Variants in EFR3A observed in about 807,000 individuals in gnomAD.
EFR3A encodes the protein EFR3 homolog A, also known as protein EFR3 homolog A.
EFR3A carries 76 observed loss-of-function variants against 104.4 expected under a neutral mutation model. The observed-to-expected ratio is 0.73, with a 90% CI of 0.60 to 0.88. The LOEUF (loss-of-function observed/expected upper bound fraction) is 0.88, where lower values mean the gene tolerates loss of function less well. Among genes scored for constraint, EFR3A ranks in the 40% least tolerant of loss-of-function variants. The pLI is 0.00. For synonymous variants in EFR3A, 330 were observed against 330.0 expected, an observed-to-expected ratio of 1.00 and a Z score of 0.00; for missense variants, 985 against 1,012.5, an observed-to-expected ratio of 0.97 and a Z score of 0.37.
Position 131,984,727 on chromosome 8 carries a change from G to T in EFR3A, c.1738-202G>T, listed in dbSNP as rs965120666. 5.3e-5 allele frequency among the ~76,000 whole-genome samples: 8 copies of T among 152,114 alleles called. 1 individual carries two copies. On this transcript the variant is annotated intron_variant, in intron 15 of 22. Coordinates refer to ENST00000254624, the MANE Select transcript of EFR3A (RefSeq NM_015137.6). The stretch of plus-strand genomic sequence containing the variant: ...TGAGAACAGGAAAGGCTTTCCTAGG[G>T]AAGAGAGTTTAAGTTGGAAAAATTA...
At chr8:131,996,783 GA>G (rs1298627314) in intron 19 of EFR3A, among the ~76,000 whole-genome samples, 3 of 152,022 alleles carry the variant, frequency 2.0e-5, no homozygotes, top group African/African-American at 7.2e-5. Flanking sequence ...TAAAGTATAA[GA>G]TTTTTTTGCT....
intron 8 of EFR3A, among the ~76,000 whole-genome samples, chr8:131,966,522 A>T (rs1420963154): frequency 2.0e-5 from 3 of 152,198 alleles, no homozygotes; most frequent in Non-Finnish European, 4.4e-5. Context: ...TTTTTCATAC[A>T]ATAGACACAA....
At chr8:131,914,870 T>G (rs1307120046) in intron 1 of EFR3A, among the ~76,000 whole-genome samples, 1 of 152,196 alleles carries the variant, frequency 6.6e-6, no homozygotes, top group Non-Finnish European at 1.5e-5. Flanking sequence ...CCATGAGTTC[T>G]CATCATTTGG....
At chr8:131,978,814 CA>C in intron 12 of EFR3A, 32 bp from the exon 13 acceptor site, 1 of 1,445,678 alleles carries the variant, frequency 6.9e-7, no homozygotes, top group Non-Finnish European at 9.1e-7. Flanking sequence ...GGACTCATGA[CA>C]AAAGGTTGTT....
At chr8:131,971,680 C>T (rs535251340) in intron 10 of EFR3A, among the ~76,000 whole-genome samples, 143 of 125,246 alleles carry the variant, frequency 1.1e-3, no homozygotes, top group African/African-American at 4.2e-3. Context: ...AGCAAGACTC[C>T]GTCTCAAAAA....
intron 1 of EFR3A, among the ~76,000 whole-genome samples, chr8:131,904,834 T>C (rs1037207833): frequency 6.6e-6 from 1 of 152,130 alleles, no homozygotes; most frequent in Non-Finnish European, 1.5e-5. Context: ...TGGAGCTTGT[T>C]AGGCAGAGGC....
At chr8:131,973,767 C>T (rs1327619637) in intron 10 of EFR3A, among the ~76,000 whole-genome samples, 1 of 151,978 alleles carries the variant, frequency 6.6e-6, no homozygotes, top group African/African-American at 2.4e-5. Context: ...ACATAGCTAC[C>T]TGCTGTGTTC....
chr8:131,976,099 T>A lies in EFR3A; in HGVS notation c.1232T>A (p.Val411Asp). 6.2e-7 allele frequency: 1 copy of A among 1,605,340 alleles called. No homozygotes were observed. Among genetic ancestry groups the A allele is most frequent in the Non-Finnish European group, 8.5e-7 (1 of 1,175,198 alleles). ...IMMFIMGKVPVFGTSTHTLDI... is the reference protein window; with the variant it reads ...IMMFIMGKVPDFGTSTHTLDI... ...ATGTTCATTATGGGGAAAGTACCTGTCTTTGGAACATCTACCCATACTTTG... is the reference window on the plus strand; with the variant it reads ...ATGTTCATTATGGGGAAAGTACCTGACTTTGGAACATCTACCCATACTTTG... Residue 411 changes from valine to aspartate, a missense_variant, in exon 11 of 23, where the codon GTC (valine) becomes GAC (aspartate). Val to Asp is a radical substitution (Grantham distance 152). Coordinates refer to ENST00000254624, the MANE Select transcript of EFR3A (RefSeq NM_015137.6).
At chr8:132,006,820 G>T (rs986607541) in intron 22 of EFR3A, among the ~76,000 whole-genome samples, 5 of 151,806 alleles carry the variant, frequency 3.3e-5, no homozygotes, top group Admixed American at 3.3e-4. Context: ...AAATAAATGG[G>T]GTTACTATGA....
chr8:131,984,157 C>G lies in EFR3A; in HGVS notation c.1594C>G (p.Arg532Gly). The G allele has an allele frequency of 6.2e-7, 1 of 1,607,496 alleles. No homozygotes were observed. The highest frequency in any genetic ancestry group is 8.5e-7 in the Non-Finnish European group (1 of 1,177,442). The change falls in exon 15 of 23, where the codon CGG becomes GGG. Residue 532 changes from arginine (R) to glycine (G), a missense_variant. Coordinates refer to ENST00000254624, the MANE Select transcript of EFR3A (RefSeq NM_015137.6). ...FMKKNGQQLY[R>G]HIYLGCKEED... Reference sequence around the variant, plus strand: ...TCCTCAGAATGGGCAACAGCTGTATCGGCACATATATTTGGGTTGTAAAGA... The same window carrying G: ...TCCTCAGAATGGGCAACAGCTGTATGGGCACATATATTTGGGTTGTAAAGA...
chr8:131,904,190 C>G lies in EFR3A; in HGVS notation c.-123C>G, dbSNP rs1266605123. 9.0e-7 allele frequency: 1 copy of G among 1,108,188 alleles called. No homozygotes were observed. The highest frequency in any genetic ancestry group is 1.6e-5 in the African/African-American group (1 of 61,572). The allele number at this position is 1,108,188 out of a possible 1,614,324, so 68.6% of individuals were successfully genotyped here. A position where few individuals can be genotyped will look rare whatever the true frequency, so the allele number is the denominator to read the frequency against. On this transcript the variant is annotated 5_prime_UTR_variant, in exon 1 of 23. Transcript: ENST00000254624. ...GTCCGCGTCCGCTCCCTCCACCCTT[C>G]GCCCTTCGCCCTTCGCCTCGTTCCG...
In EFR3A at chr8:131,978,706, T is replaced by A. The variant is rs530740685; in HGVS notation, c.1327-141T>A. ...AATTCAGCAAAATCCTTCATTACTT[T>A]GCACATTTCTTTTATGTCTTTTCTC... On this transcript the variant is annotated intron_variant, in intron 12 of 22. Transcript: ENST00000254624. The A allele has an allele frequency of 9.8e-5, 63 of 645,748 alleles. 4 individuals carry two copies. Among genetic ancestry groups the A allele is most frequent in the South Asian group, 9.3e-4 (26 of 27,990 alleles). The allele number at this position is 645,748 out of a possible 1,614,324, so 40.0% of individuals were successfully genotyped here.
At chr8:131,976,163 T>A in intron 11 of EFR3A, 22 bp downstream of exon 11, 1 of 1,394,718 alleles carries the variant, frequency 7.2e-7, no homozygotes, top group Non-Finnish European at 9.9e-7. Flanking sequence ...GACTGTAAAT[T>A]TGAACTTAAT....
intron 3 of EFR3A, among the ~76,000 whole-genome samples, chr8:131,945,659 A>G (rs949402934): frequency 1.3e-5 from 2 of 152,092 alleles, no homozygotes; most frequent in Admixed American, 1.3e-4. Context: ...AAATTGATAC[A>G]TAATATTTTA....
chr8:131,944,021 C>G (rs1351238360), intron 2 of EFR3A, among the ~76,000 whole-genome samples: 3 of 152,084 alleles, frequency 2.0e-5, no homozygotes, highest in African/African-American at 7.2e-5. Context: ...TGAAAACACA[C>G]ATCTATACAA....
At chr8:131,946,067 G>T (rs1379933185) in intron 3 of EFR3A, among the ~76,000 whole-genome samples, 1 of 151,860 alleles carries the variant, frequency 6.6e-6, no homozygotes, top group Non-Finnish European at 1.5e-5. Context: ...ATATTATGTT[G>T]CTGATAGTGT....
At chr8:131,916,182 C>T (rs1816737772) in intron 1 of EFR3A, among the ~76,000 whole-genome samples, 1 of 152,110 alleles carries the variant, frequency 6.6e-6, no homozygotes. Flanking sequence ...AAAAGAAACA[C>T]AAGTTGCTAT....
At chr8:131,953,797 C>CTT in intron 5 of EFR3A, 21 bp from the exon 6 acceptor site, 1 of 1,462,578 alleles carries the variant, frequency 6.8e-7, no homozygotes, top group Non-Finnish European at 9.1e-7. Context: ...TCATTTTCTT[C>CTT]CTTTTTTTTT....
In EFR3A at chr8:131,996,626, A is replaced by G. The variant is rs1821504844; in HGVS notation, c.2157+129A>G. The G allele has an allele frequency of 1.1e-5, 6 of 541,792 alleles. No homozygotes were observed. The South Asian group carries it at 1.3e-4, about 12-fold the overall frequency. The allele number at this position is 541,792 out of a possible 1,614,324, so 33.6% of individuals were successfully genotyped here. A position where few individuals can be genotyped will look rare whatever the true frequency, so the allele number is the denominator to read the frequency against. On this transcript the variant is annotated intron_variant, in intron 19 of 22. Transcript: ENST00000254624. Reference sequence around the variant, plus strand: ...TTATCCTCAAATCAACTAAATTATTAGTAGAAATTAATCTGATTTAGCTTT... The same window carrying G: ...TTATCCTCAAATCAACTAAATTATTGGTAGAAATTAATCTGATTTAGCTTT...
Sources: gnomAD v4.1 joint callset for allele counts (sites outside exome capture counted in the v4.1 genomes callset) on GRCh38, gnomAD v4.1.1 for gene constraint, MANE v1.5 for transcripts, NCBI Gene and HGNC (gene_info 2026-07-23, HGNC 2026-07-21) for gene names.